ARMH1: variants seen among roughly 807,000 people sequenced by gnomAD.
ARMH1 encodes the protein armadillo like helical domain containing 1, also known as armadillo-like helical domain containing protein 1.
In ARMH1, 34 loss-of-function variants were observed where a neutral mutation model predicts 50.2. The ratio of observed to expected loss-of-function variants is 0.68; its 90% CI spans 0.51 to 0.90. The LOEUF (loss-of-function observed/expected upper bound fraction) is 0.90. Ranked by LOEUF, ARMH1 falls within the 40% of genes least tolerant of loss-of-function variation. The pLI is 0.00. For synonymous variants in ARMH1, 221 were observed against 224.2 expected (o/e 0.99, Z 0.13); for missense variants, 538 against 553.9 (o/e 0.97, Z 0.29).
chr1:44,687,923 C>G (rs932103631), intron 1 of ARMH1, among the ~76,000 whole-genome samples: 3 of 152,172 alleles, frequency 2.0e-5, no homozygotes, highest in African/African-American at 7.2e-5. Flanking sequence ...GGGTGCATCT[C>G]TAATGGCACA....
In ARMH1 at chr1:44,698,122, T is replaced by C. The variant is rs1172591394; in HGVS notation, c.335T>C (p.Leu112Pro). The change falls in exon 4 of 12, where the codon CTT (leucine) becomes CCT (proline). Residue 112 changes from leucine (L) to proline (P), a missense_variant. Leu to Pro is a moderately conservative substitution (Grantham distance 98, BLOSUM62 -3). Transcript: ENST00000535358. ...VGGVLTLLEI[L>P]GLEKIKEEAK... ...GGTGTCCTAACCCTCTTGGAAATAC[T>C]TGGGCTAGAGAAGATCAAGGAGGAG... 4 of 1,552,170 alleles carry C rather than the reference T, an allele frequency of 2.6e-6. No homozygotes were observed. The highest frequency in any genetic ancestry group is 3.5e-6 in the Non-Finnish European group (4 of 1,147,084).
In ARMH1 at chr1:44,682,876, G is replaced by A. The variant is rs180807304; in HGVS notation, c.-22-6800G>A. On this transcript the variant is annotated intron_variant, in intron 1 of 11. Coordinates refer to ENST00000535358, the MANE Select transcript of ARMH1 (RefSeq NM_001145636.2). This position sits in a 1 kb window ranked among gnomAD's most constrained non-coding sequence, Gnocchi z 4.5. Reference sequence around the variant, plus strand: ...GATCACTCGAGCCCAGGCGATTGAGGCTGCGGTAAGTTATGATTGTGCCAC... The same window carrying A: ...GATCACTCGAGCCCAGGCGATTGAGACTGCGGTAAGTTATGATTGTGCCAC... 1.6e-4 allele frequency among the ~76,000 whole-genome samples: 25 copies of A among 152,316 alleles called. No homozygotes were observed. Among genetic ancestry groups the A allele is most frequent in the African/African-American group, 5.8e-4 (24 of 41,572 alleles).
Position 44,698,240 on chromosome 1 carries a change from T to C in ARMH1, c.442+11T>C. 6.5e-7 allele frequency: 1 copy of C among 1,547,902 alleles called. No individual in the cohort carries two copies. The highest frequency in any genetic ancestry group is 8.7e-7 in the Non-Finnish European group (1 of 1,144,014). On this transcript the variant is annotated intron_variant, in intron 4 of 11. Transcript: ENST00000535358. ...TTTGTGAAAGCTATGGTGGGTACTG[T>C]GTGTGACAAGATGTGTCTCCCTAGG...
chr1:44,721,557 A>G (rs1647136230), intron 6 of ARMH1, among the ~76,000 whole-genome samples: 1 of 152,194 alleles, frequency 6.6e-6, no homozygotes, highest in African/African-American at 2.4e-5. Context: ...AAATGTTTAC[A>G]AGAAGCTAAA....
Position 44,674,751 on chromosome 1 carries a change from G to A in ARMH1, c.-145G>A, listed in dbSNP as rs1645074267. The A allele has an allele frequency of 4.0e-6, 1 of 249,480 alleles. No individual in the cohort carries two copies. The highest frequency in any genetic ancestry group is 2.2e-5 in the African/African-American group (1 of 44,978). 15.5% of individuals were successfully genotyped at this position (249,480 alleles called of 1,614,324 possible). ...CGGCTGAAGAGTTGCTGTATTCTGG[G>A]AATGGGCAGGGTCACTCGTCCGAAC... On this transcript the variant is annotated 5_prime_UTR_variant, in exon 1 of 12. Coordinates refer to ENST00000535358, the MANE Select transcript of ARMH1 (RefSeq NM_001145636.2).
chr1:44,714,526 G>GGTGA (rs1162135162), intron 6 of ARMH1, among the ~76,000 whole-genome samples: 4 of 151,794 alleles, frequency 2.6e-5, no homozygotes, highest in Non-Finnish European at 4.4e-5. Context: ...CGGAGGTTGC[G>GGTGA]GTGAGCTGAG....
chr1:44,702,710 CA>C (rs11449439), intron 5 of ARMH1, among the ~76,000 whole-genome samples: 43 of 89,984 alleles, frequency 4.8e-4, no homozygotes, highest in Non-Finnish European at 5.3e-4. Context: ...GACTCCATCT[CA>C]AAAAAAAAAA....
intron 1 of ARMH1, among the ~76,000 whole-genome samples, chr1:44,678,282 G>A (rs1645199689): frequency 6.6e-6 from 1 of 151,976 alleles, no homozygotes; most frequent in East Asian, 1.9e-4. Context: ...AAGAAGAGTG[G>A]GGGCTGTGGG....
chr1:44,715,775 G>T (rs1436064819), intron 6 of ARMH1, among the ~76,000 whole-genome samples: 1 of 152,158 alleles, frequency 6.6e-6, no homozygotes. Flanking sequence ...GGCCAGGCTG[G>T]TCTTCAACTC....
chr1:44,691,213 G>A (rs1025638290), intron 2 of ARMH1, among the ~76,000 whole-genome samples: 2 of 151,890 alleles, frequency 1.3e-5, no homozygotes, highest in African/African-American at 2.4e-5. Context: ...AGCCAAGATC[G>A]CGCCATTGTA....
intron 6 of ARMH1, among the ~76,000 whole-genome samples, chr1:44,708,818 C>T (rs776708002): frequency 6.6e-5 from 10 of 152,178 alleles, no homozygotes; most frequent in Non-Finnish European, 1.3e-4. Context: ...ATGAGAGTGT[C>T]CCTGGTTCCT....
intron 5 of ARMH1, among the ~76,000 whole-genome samples, chr1:44,702,938 G>A (rs936868097): frequency 2.6e-5 from 4 of 152,062 alleles, no homozygotes; most frequent in Admixed American, 6.6e-5. Context: ...AAATTAAATC[G>A]CAGCAGCCCA....
intron 1 of ARMH1, among the ~76,000 whole-genome samples, chr1:44,686,772 G>T (rs903837773): frequency 6.6e-6 from 1 of 151,190 alleles, no homozygotes; most frequent in Non-Finnish European, 1.5e-5. Flanking sequence ...GAGTTAGAGT[G>T]GTGCAATAAA....
chr1:44,723,933 CT>C, intron 6 of ARMH1, 188 bp from the exon 7 acceptor site: 1 of 675,980 alleles, frequency 1.5e-6, no homozygotes, highest in Non-Finnish European at 2.3e-6. Flanking sequence ...ACCCTTCCTC[CT>C]CCCCCTTCAG....
At chr1:44,694,509 C>CTTTTTTTTTTTTT (rs10531731) in intron 2 of ARMH1, among the ~76,000 whole-genome samples, 1 of 113,676 alleles carries the variant, frequency 8.8e-6, no homozygotes, top group Non-Finnish European at 1.7e-5. Flanking sequence ...TTCTTTTTTT[C>CTTTTTTTTTTTTT]TTTTTTTTTT....
rs1645853147 is a variant in ARMH1 at position 44,697,129 on chromosome 1, G to A, written c.234G>A (p.Lys78=). The part of the protein sequence containing the change: ...ITYMTDSCLE[K]LLRSIGIFLS... ...ATATGACTGACTCATGTTTAGAAAA[G>A]CTTCTCAGGTCCATTGGCATCTTCT... The change falls in exon 3 of 12, where the codon AAG becomes AAA. Residue 78 remains lysine (K), a synonymous_variant. Transcript: ENST00000535358. The A allele has an allele frequency of 6.4e-7, 1 of 1,552,174 alleles. No individual in the cohort carries two copies. The highest frequency in any genetic ancestry group is 1.4e-5 in the African/African-American group (1 of 73,110).
chr1:44,691,952 C>T (rs886499017), intron 2 of ARMH1, among the ~76,000 whole-genome samples: 1 of 152,200 alleles, frequency 6.6e-6, no homozygotes, highest in Non-Finnish European at 1.5e-5. Context: ...AAAGACAGAT[C>T]TGGTCACCGT....
chr1:44,687,071 A>G (rs1398867874), intron 1 of ARMH1, among the ~76,000 whole-genome samples: 2 of 152,244 alleles, frequency 1.3e-5, no homozygotes, highest in Non-Finnish European at 2.9e-5. Flanking sequence ...TAGAGCTGCC[A>G]TAACAAAGTG....
chr1:44,706,802 T>C (rs1174330078), intron 6 of ARMH1, among the ~76,000 whole-genome samples: 1 of 151,980 alleles, frequency 6.6e-6, no homozygotes, highest in East Asian at 1.9e-4. Context: ...GGGACCTAAG[T>C]AATAGTCAGA....
Sources: gnomAD v4.1 joint callset for allele counts (sites outside exome capture counted in the v4.1 genomes callset) on GRCh38, gnomAD v4.1.1 for gene constraint, Gnocchi (gnomAD v3.1) non-coding constraint, MANE v1.5 for transcripts, NCBI Gene and HGNC (gene_info 2026-07-23, HGNC 2026-07-21) for gene names.